Variants in ISG20L2 observed in about 807,000 individuals in gnomAD.
ISG20L2 encodes the protein interferon stimulated exonuclease gene 20 like 2.
Under a neutral mutation model 27.8 loss-of-function variants are expected in ISG20L2, and 14 were observed. That is an observed-to-expected ratio of 0.50 (90% CI 0.33 to 0.79). The LOEUF is 0.79. ISG20L2 is among the 30% of genes least tolerant of loss of function. The pLI is 0.02. For missense variants in ISG20L2, 393 were observed against 435.1 expected (o/e 0.90, Z 0.86); for synonymous variants, 157 against 165.7 (o/e 0.95, Z 0.40).
chr1:156,727,315 G>C lies in ISG20L2; in HGVS notation c.338C>G (p.Ala113Gly). 6.2e-6 allele frequency: 10 copies of C among 1,614,202 alleles called. No homozygotes were observed. The highest frequency in any genetic ancestry group is 7.6e-6 in the Non-Finnish European group (9 of 1,180,024). ...CTCCCCCAGCAAATCTACTTTAGCAGCAACAGAATCAGCCTTTTTTGAAGG... is the reference window on the plus strand; with the variant it reads ...CTCCCCCAGCAAATCTACTTTAGCACCAACAGAATCAGCCTTTTTTGAAGG... ...PAPSKKADSVAAKVDLLGEFQ... is the reference protein window; with the variant it reads ...PAPSKKADSVGAKVDLLGEFQ... Residue 113 changes from alanine (A) to glycine (G), a missense_variant, in exon 2 of 4, where the codon GCT becomes GGT. By Grantham distance (60) the Ala-to-Gly change is moderately conservative. Coordinates refer to ENST00000368219, the MANE Select transcript of ISG20L2 (RefSeq NM_001370150.2).
chr1:156,724,144 C>G lies in ISG20L2; in HGVS notation c.948+4G>C, dbSNP rs887199006. 1.9e-6 allele frequency: 3 copies of G among 1,612,754 alleles called. No homozygotes were observed. Among genetic ancestry groups the G allele is most frequent in the Non-Finnish European group, 2.5e-6 (3 of 1,179,128 alleles). On this transcript the variant is annotated splice_donor_region_variant and intron_variant, in intron 3 of 3. Transcript: ENST00000368219. ...TGGGGGCGGGGGATGTGGGGAGATGCTACCTGGATATCCCGGTTTAGCAGC... is the reference window on the plus strand; with the variant it reads ...TGGGGGCGGGGGATGTGGGGAGATGGTACCTGGATATCCCGGTTTAGCAGC...
Position 156,728,470 on chromosome 1 carries a change from G to C in ISG20L2, c.-173C>G. 7.1e-6 allele frequency: 7 copies of C among 985,710 alleles called. No homozygotes were observed. The highest frequency in any genetic ancestry group is 8.4e-6 in the Non-Finnish European group (7 of 829,982). The allele number at this position is 985,710 out of a possible 1,614,324, so 61.1% of individuals were successfully genotyped here. A position where few individuals can be genotyped will look rare whatever the true frequency, so the allele number is the denominator to read the frequency against. ...CGTCCGGAGCCGGATGCGGAAATCG[G>C]TGCGCGCCGACGAAGCCCGGGAAGG... On this transcript the variant is annotated 5_prime_UTR_variant, in exon 1 of 4. Coordinates refer to ENST00000368219, the MANE Select transcript of ISG20L2 (RefSeq NM_001370150.2).
In ISG20L2 at chr1:156,723,282, G is replaced by T. The variant is rs151040676; in HGVS notation, c.*67C>A. The T allele has an allele frequency of 3.8e-6, 6 of 1,586,642 alleles. No individual in the cohort carries two copies. Among genetic ancestry groups the T allele is most frequent in the East Asian group, 2.2e-5 (1 of 44,628 alleles). ...TGTGGAGCTGGTGGAGCTGTCCATT[G>T]GTCCACTGCCCTGTTTCTCCTGGGT... On this transcript the variant is annotated 3_prime_UTR_variant, in exon 4 of 4. Transcript: ENST00000368219.
rs1648808289 is a variant in ISG20L2, at chr1:156,727,046, T to C, written c.607A>G (p.Ile203Val). The C allele has an allele frequency of 6.2e-7, 1 of 1,614,196 alleles. No homozygotes were observed. Among genetic ancestry groups the C allele is most frequent in the East Asian group, 2.2e-5 (1 of 44,884 alleles). The change falls in exon 2 of 4, where the codon ATT becomes GTT. Residue 203 changes from isoleucine to valine, a missense_variant. Transcript: ENST00000368219. ...GHVSSLARCS[I>V]VNYNGDVLYD... ...AGCACATCTCCGTTGTAGTTGACAA[T>C]GCTACATCGAGCCAAGGAACTAACA...
Position 156,726,520 on chromosome 1 carries a change from CT to C in ISG20L2, c.747+385del, listed in dbSNP as rs1648766344. The C allele has an allele frequency of 3.9e-6, 3 of 771,450 alleles. No homozygotes were observed. The South Asian group carries it at 1.7e-4, about 45-fold the overall frequency. The allele number at this position is 771,450 out of a possible 1,614,324, so 47.8% of individuals were successfully genotyped here. On this transcript the variant is annotated intron_variant, in intron 2 of 3. Transcript: ENST00000368219. Reference sequence around the variant, plus strand: ...CTCAGCTCACTGCAGCCTCGACCTCCTGAGTAGCTGGGACTACAGGCATGTA... The same window carrying C: ...CTCAGCTCACTGCAGCCTCGACCTCCGAGTAGCTGGGACTACAGGCATGTA...
At chr1:156,728,119 C>T in intron 1 of ISG20L2, 3 of 990,570 alleles carry the variant, frequency 3.0e-6, no homozygotes, top group South Asian at 9.0e-5. Flanking sequence ...AGGAAAGGAA[C>T]ATCTAGGTAT....
At chr1:156,724,098 C>T (rs752941283) in intron 3 of ISG20L2, 50 bp downstream of exon 3, 1 of 1,505,810 alleles carries the variant, frequency 6.6e-7, no homozygotes, top group Non-Finnish European at 9.2e-7. Context: ...CTAGGGGCAT[C>T]AACGAGAGCC....
chr1:156,723,076 T>G lies in ISG20L2; in HGVS notation c.*273A>C, dbSNP rs1648604858. ...AAATCTTAACTGGCACAGAGCACCC[T>G]GGGACACCTGTGGTTAGCACCATTT... On this transcript the variant is annotated 3_prime_UTR_variant, in exon 4 of 4. Coordinates refer to ENST00000368219, the MANE Select transcript of ISG20L2 (RefSeq NM_001370150.2). The G allele has an allele frequency of 2.6e-6, 1 of 387,706 alleles. No individual in the cohort carries two copies. The highest frequency in any genetic ancestry group is 2.0e-5 in the African/African-American group (1 of 50,208). 24.0% of individuals were successfully genotyped at this position (387,706 alleles called of 1,614,324 possible). A position where few individuals can be genotyped will look rare whatever the true frequency, so the allele number is the denominator to read the frequency against.
chr1:156,728,518 C>G lies in ISG20L2; in HGVS notation c.-221G>C. The G allele has an allele frequency of 2.0e-6, 2 of 985,644 alleles. No individual in the cohort carries two copies. Among genetic ancestry groups the G allele is most frequent in the Non-Finnish European group, 2.4e-6 (2 of 829,932 alleles). The allele number at this position is 985,644 out of a possible 1,614,324, so 61.1% of individuals were successfully genotyped here. A position where few individuals can be genotyped will look rare whatever the true frequency, so the allele number is the denominator to read the frequency against. ...AGGCAGGCGCGCGGGTTAGAACGCG[C>G]CAGAGGTCGGCGCGCGCACACCCGC... On this transcript the variant is annotated 5_prime_UTR_variant, in exon 1 of 4. Transcript: ENST00000368219.
At chr1:156,728,031 G>A in intron 1 of ISG20L2, 1 of 1,033,144 alleles carries the variant, frequency 9.7e-7, no homozygotes, top group Middle Eastern at 4.9e-4. Context: ...TTTGTAAAAT[G>A]AAGGGAGTGG....
Position 156,728,485 on chromosome 1 carries a change from G to A in ISG20L2, c.-188C>T, listed in dbSNP as rs993524018. ...GCGGAAATCGGTGCGCGCCGACGAA[G>A]CCCGGGAAGGCAGGCGCGCGGGTTA... On this transcript the variant is annotated 5_prime_UTR_variant, in exon 1 of 4. Coordinates refer to ENST00000368219, the MANE Select transcript of ISG20L2 (RefSeq NM_001370150.2). 2 of 985,532 alleles carry A rather than the reference G, an allele frequency of 2.0e-6. No individual in the cohort carries two copies. Among genetic ancestry groups the A allele is most frequent in the African/African-American group, 3.5e-5 (2 of 57,248 alleles). The allele number at this position is 985,532 out of a possible 1,614,324, so 61.0% of individuals were successfully genotyped here.
chr1:156,723,871 C>A (rs1450639635), intron 3 of ISG20L2: 2 of 1,289,516 alleles, frequency 1.6e-6, no homozygotes, highest in Admixed American at 6.9e-5. Flanking sequence ...TCCTTGCATC[C>A]ACTACACGGT....
chr1:156,723,352 G>A lies in ISG20L2; in HGVS notation c.1059C>T (p.Asp353=), dbSNP rs1648616705. 3.1e-6 allele frequency: 5 copies of A among 1,614,094 alleles called. No homozygotes were observed. Among genetic ancestry groups the A allele is most frequent in the African/African-American group, 1.3e-5 (1 of 75,028 alleles). ...ATCACCAGCGTCCCCACTGCCACTA[G>A]TCTGTAGGGGGATTCCGGGCTAGGT... ...EEHLARNPPT[D] Residue 353 remains aspartate (D), a synonymous_variant, in exon 4 of 4, where the codon GAC becomes GAT. Transcript: ENST00000368219.
chr1:156,723,941 G>A, intron 3 of ISG20L2: 1 of 1,327,304 alleles, frequency 7.5e-7, no homozygotes, highest in Non-Finnish European at 9.9e-7. Flanking sequence ...ATCTACTTAG[G>A]ACTTTTTCCC....
rs112408506 is a variant in ISG20L2, at chr1:156,726,245, T to C, written c.747+661A>G. 2.2e-4 allele frequency: 214 copies of C among 985,326 alleles called. No homozygotes were observed. In the African/African-American group the frequency reaches 3.4e-3, roughly 16 times the overall value. The allele number at this position is 985,326 out of a possible 1,614,324, so 61.0% of individuals were successfully genotyped here. ...GCACTTGCCCCAGGCTACTTTTTGC[T>C]TGGGACGAGCTCTCCACCTTTCCTC... On this transcript the variant is annotated intron_variant, in intron 2 of 3. Transcript: ENST00000368219.
chr1:156,724,237 G>T lies in ISG20L2; in HGVS notation c.859C>A (p.Pro287Thr). ...KSLTRDTSHI[P>T]PLNRKADCPE... is the part of the protein sequence containing the mutation. Reference sequence around the variant, plus strand: ...CAGTCAGCCTTCCGGTTGAGGGGGGGGATATGGGAGGTGTCACGGGTGAGG... The same window carrying T: ...CAGTCAGCCTTCCGGTTGAGGGGGGTGATATGGGAGGTGTCACGGGTGAGG... Residue 287 changes from proline (P) to threonine (T), a missense_variant, in exon 3 of 4, where the codon CCC becomes ACC. Physicochemically the swap from Pro to Thr is conservative, Grantham distance 38 (BLOSUM62 -1). Transcript: ENST00000368219. 1 of 1,613,830 alleles carries T rather than the reference G, an allele frequency of 6.2e-7. No individual in the cohort carries two copies. Among genetic ancestry groups the T allele is most frequent in the Non-Finnish European group, 8.5e-7 (1 of 1,179,858 alleles).
At position 156,724,303 on chromosome 1, in the gene ISG20L2, G is replaced by A; in HGVS notation, c.793C>T (p.His265Tyr). Reference protein sequence around the residue: ...TGKIVVGHAIHNDFKALQYFH... With the variant: ...TGKIVVGHAIYNDFKALQYFH... Reference sequence around the variant, plus strand: ...TACTGAAGGGCTTTGAAGTCGTTGTGGATGGCATGCCCCACCACTATCTTC... The same window carrying A: ...TACTGAAGGGCTTTGAAGTCGTTGTAGATGGCATGCCCCACCACTATCTTC... The change falls in exon 3 of 4, where the codon CAC becomes TAC. Residue 265 changes from histidine to tyrosine, a missense_variant. His to Tyr is a moderately conservative substitution (Grantham distance 83). Transcript: ENST00000368219. 6.2e-7 allele frequency: 1 copy of A among 1,613,802 alleles called. No individual in the cohort carries two copies. The highest frequency in any genetic ancestry group is 8.5e-7 in the Non-Finnish European group (1 of 1,179,774).
At chr1:156,724,082 G>T in intron 3 of ISG20L2, 66 bp downstream of exon 3, 1 of 1,413,532 alleles carries the variant, frequency 7.1e-7, no homozygotes, top group Non-Finnish European at 1.0e-6. Context: ...TGAGATCAGA[G>T]TCTGGCTAGG....
chr1:156,726,002 G>A lies in ISG20L2; in HGVS notation c.747+904C>T, dbSNP rs552144024. On this transcript the variant is annotated intron_variant, in intron 2 of 3. Transcript: ENST00000368219. ...GCCTCCTGAGACCAGCAGGTCTCTT[G>A]CTCTCCCTTCACTTCCTCTTTCACC... The A allele has an allele frequency of 6.4e-5, 63 of 985,558 alleles. 2 individuals are homozygous for A. The South Asian group carries it at 2.5e-3, about 39-fold the overall frequency. The allele number at this position is 985,558 out of a possible 1,614,324, so 61.1% of individuals were successfully genotyped here.
Sources: gnomAD v4.1 joint callset for allele counts on GRCh38, gnomAD v4.1.1 for gene constraint, MANE v1.5 for transcripts, NCBI Gene and HGNC (gene_info 2026-07-23, HGNC 2026-07-21) for gene names.